SORCS3: variants seen among roughly 807,000 people sequenced by gnomAD.
SORCS3 encodes the protein VPS10 domain-containing receptor SorCS3.
In SORCS3, 57 loss-of-function variants were observed where a neutral mutation model predicts 146.3. The ratio of observed to expected loss-of-function variants is 0.39; its 90% confidence interval spans 0.31 to 0.49. The LOEUF (loss-of-function observed/expected upper bound fraction) is 0.49. Among genes scored for constraint, SORCS3 ranks in the 20% least tolerant of loss-of-function variants. SORCS3 has a pLI of 0.92. For missense variants in SORCS3, 1,341 were observed against 1,575.5 expected, an observed-to-expected ratio of 0.85 and a Z score of 2.52; for synonymous variants, 653 against 618.5, an observed-to-expected ratio of 1.06 and a Z score of -0.83.
At chr10:104,683,314 C>G (rs961189549) in intron 1 of SORCS3, among the ~76,000 whole-genome samples, 7 of 152,222 alleles carry the variant, frequency 4.6e-5, no homozygotes, top group African/African-American at 1.7e-4. Context: ...GGATACACTT[C>G]TCAGGGCTAA....
At chr10:105,073,017 C>T (rs978021137) in intron 5 of SORCS3, among the ~76,000 whole-genome samples, 3 of 152,168 alleles carry the variant, frequency 2.0e-5, no homozygotes, top group African/African-American at 4.8e-5. Context: ...AGGTTGGAAG[C>T]ATGTCAAGGT....
chr10:104,952,381 A>C (rs1214367918), intron 3 of SORCS3, among the ~76,000 whole-genome samples: 2 of 151,550 alleles, frequency 1.3e-5, no homozygotes, highest in Non-Finnish European at 2.9e-5. Flanking sequence ...CATTGGCTTA[A>C]CTTCTAAGCG....
At chr10:104,730,037 T>A (rs895747848) in intron 1 of SORCS3, among the ~76,000 whole-genome samples, 1 of 152,204 alleles carries the variant, frequency 6.6e-6, no homozygotes, top group Non-Finnish European at 1.5e-5. Context: ...TCAGACTTGG[T>A]ACTCAGCAAA....
At chr10:105,185,136 A>C (rs1006185245) in intron 14 of SORCS3, among the ~76,000 whole-genome samples, 1 of 152,234 alleles carries the variant, frequency 6.6e-6, no homozygotes, top group Non-Finnish European at 1.5e-5. Context: ...CATAAATGGT[A>C]TATTCAGCTT....
intron 1 of SORCS3, among the ~76,000 whole-genome samples, chr10:104,779,290 T>C (rs77287185): frequency 0.039 from 5,875 of 152,266 alleles, 135 homozygotes; most frequent in Admixed American, 0.06. Flanking sequence ...CTGTGGTCTT[T>C]TGTTGTAGCA....
chr10:105,014,084 C>CATATATATATAT (rs1564734908), intron 4 of SORCS3, among the ~76,000 whole-genome samples: 10 of 130,926 alleles, frequency 7.6e-5, no homozygotes, highest in South Asian at 7.2e-4. Flanking sequence ...TATATATATA[C>CATATATATATAT]ACACATATAT....
intron 2 of SORCS3, among the ~76,000 whole-genome samples, chr10:104,872,219 G>A (rs542667938): frequency 1.3e-5 from 2 of 152,276 alleles, no homozygotes; most frequent in South Asian, 4.1e-4. Context: ...CTTCTCAATT[G>A]TACATTAAAT....
intron 7 of SORCS3, among the ~76,000 whole-genome samples, chr10:105,106,399 AG>A (rs754527292): frequency 4.6e-5 from 7 of 152,170 alleles, no homozygotes; most frequent in South Asian, 2.1e-4. Flanking sequence ...TGAACTTCCA[AG>A]CTCAGTGTGA....
chr10:104,716,256 G>C (rs1299660365), intron 1 of SORCS3, among the ~76,000 whole-genome samples: 1 of 152,096 alleles, frequency 6.6e-6, no homozygotes, highest in African/African-American at 2.4e-5. Flanking sequence ...CGAGGACAAG[G>C]TTTTTGTTTT....
In SORCS3 at chr10:104,849,683, C is replaced by T. The variant is rs556356118; in HGVS notation, c.695+6824C>T. On this transcript the variant is annotated intron_variant, in intron 2 of 26. Coordinates refer to ENST00000369701, the MANE Select transcript of SORCS3 (RefSeq NM_014978.3). ...ATCTCATATAGGTTTTGTGGAAATT[C>T]AGTGAAATAATGCATGGAATGCAAA... Among the ~76,000 whole-genome samples the T allele has an allele frequency of 4.3e-4, 65 of 152,244 alleles. 1 individual carries two copies. Among genetic ancestry groups the T allele is most frequent in the African/African-American group, 1.4e-3 (58 of 41,530 alleles).
At chr10:105,007,263 A>C (rs2055102075) in intron 4 of SORCS3, among the ~76,000 whole-genome samples, 2 of 152,156 alleles carry the variant, frequency 1.3e-5, no homozygotes, top group South Asian at 4.1e-4. Context: ...AGATACAGAA[A>C]AATATGTGAT....
chr10:104,797,382 A>G (rs1175262506), intron 1 of SORCS3, among the ~76,000 whole-genome samples: 1 of 152,216 alleles, frequency 6.6e-6, no homozygotes, highest in African/African-American at 2.4e-5. Context: ...ATGCCCACCA[A>G]ATAAATAAAT....
intron 2 of SORCS3, among the ~76,000 whole-genome samples, chr10:104,910,154 C>T (rs2018952030): frequency 6.6e-6 from 1 of 152,168 alleles, no homozygotes; most frequent in Middle Eastern, 3.2e-3. Context: ...CAGTCAGCAT[C>T]AGGTACCTGG....
At chr10:104,888,526 C>G (rs1300949004) in intron 2 of SORCS3, among the ~76,000 whole-genome samples, 10 of 149,694 alleles carry the variant, frequency 6.7e-5, no homozygotes. Context: ...TATTTCACTA[C>G]TTTTAACTAC....
At chr10:104,961,596 A>G (rs2054796680) in intron 3 of SORCS3, among the ~76,000 whole-genome samples, 1 of 152,178 alleles carries the variant, frequency 6.6e-6, no homozygotes, top group Admixed American at 6.5e-5. Context: ...AATTTGTTAA[A>G]TTTGTCTATA....
At chr10:104,681,132 T>C (rs572019846) in intron 1 of SORCS3, among the ~76,000 whole-genome samples, 2 of 152,332 alleles carry the variant, frequency 1.3e-5, no homozygotes, top group African/African-American at 4.8e-5. Context: ...ACGGGAAATG[T>C]ACGTTATTTA....
At chr10:104,955,608 T>G (rs930229997) in intron 3 of SORCS3, among the ~76,000 whole-genome samples, 3 of 152,228 alleles carry the variant, frequency 2.0e-5, no homozygotes, top group African/African-American at 7.2e-5. Context: ...ATTAGATACC[T>G]CACCCTCAAT....
chr10:105,076,277 A>G (rs2055588296), intron 5 of SORCS3, among the ~76,000 whole-genome samples: 1 of 152,226 alleles, frequency 6.6e-6, no homozygotes, highest in Non-Finnish European at 1.5e-5. Context: ...ACTGGACTAT[A>G]GAAGAGACGA....
At chr10:104,697,394 C>T (rs544956924) in intron 1 of SORCS3, among the ~76,000 whole-genome samples, 7 of 152,260 alleles carry the variant, frequency 4.6e-5, no homozygotes, top group African/African-American at 7.2e-5. Flanking sequence ...CTGCTTAGCA[C>T]ACCACTAGAG....
Sources: gnomAD v4.1 joint callset for allele counts (sites outside exome capture counted in the v4.1 genomes callset) on GRCh38, gnomAD v4.1.1 for gene constraint, MANE v1.5 for transcripts, NCBI Gene and HGNC (gene_info 2026-07-23, HGNC 2026-07-21) for gene names.